ADAMTS6: variants seen among roughly 807,000 people sequenced by gnomAD.
ADAMTS6 encodes the protein ADAM metallopeptidase with thrombospondin type 1 motif 6.
ADAMTS6 carries 23 observed loss-of-function variants against 144.3 expected under a neutral mutation model. The observed-to-expected ratio is 0.16, with a 90% confidence interval of 0.11 to 0.23. The LOEUF (loss-of-function observed/expected upper bound fraction) is 0.23, where lower values mean the gene tolerates loss of function less well. Among genes scored for constraint, ADAMTS6 ranks in the 10% least tolerant of loss-of-function variants. The pLI, the probability that ADAMTS6 is intolerant of heterozygous loss-of-function variation, is 1.00. For missense variants in ADAMTS6, 999 were observed against 1,379.6 expected (o/e 0.72, Z 4.37); for synonymous variants, 444 against 457.5 (o/e 0.97, Z 0.38).
intron 3 of ADAMTS6, among the ~76,000 whole-genome samples, chr5:65,469,486 A>G (rs6875231): frequency 0.18 from 27,170 of 152,132 alleles, 4,977 homozygotes; most frequent in African/African-American, 0.48. Context: ...TAACATATGA[A>G]AAGTTTTAGA....
chr5:65,252,937 T>A (rs1379422340), intron 14 of ADAMTS6, among the ~76,000 whole-genome samples: 1 of 152,178 alleles, frequency 6.6e-6, no homozygotes, highest in African/African-American at 2.4e-5. Flanking sequence ...TCACCCAGGC[T>A]GGAGGGTAGT....
chr5:65,416,818 T>G (rs1313983938), intron 7 of ADAMTS6, among the ~76,000 whole-genome samples: 1 of 150,210 alleles, frequency 6.7e-6, no homozygotes, highest in Admixed American at 6.6e-5. Context: ...ATGTGGTATA[T>G]CCCAATTCTA....
chr5:65,332,278 A>T (rs1746805146), intron 8 of ADAMTS6, among the ~76,000 whole-genome samples: 1 of 139,862 alleles, frequency 7.1e-6, no homozygotes, highest in Non-Finnish European at 1.5e-5. Flanking sequence ...ATAGGGAGAG[A>T]CAGTGAGGGT....
chr5:65,365,081 C>A (rs887368887), intron 7 of ADAMTS6, among the ~76,000 whole-genome samples: 1 of 152,048 alleles, frequency 6.6e-6, no homozygotes, highest in Non-Finnish European at 1.5e-5. Context: ...AACTGATCAT[C>A]CACAGTAAAC....
At chr5:65,399,342 T>C (rs186288228) in intron 7 of ADAMTS6, among the ~76,000 whole-genome samples, 1 of 152,328 alleles carries the variant, frequency 6.6e-6, no homozygotes, top group African/African-American at 2.4e-5. Flanking sequence ...GTCTTCCAAT[T>C]GGTGCATTTG....
intron 7 of ADAMTS6, 193 bp downstream of exon 7, chr5:65,451,282 C>T: frequency 2.0e-6 from 1 of 508,994 alleles, no homozygotes; most frequent in Non-Finnish European, 3.3e-6. Context: ...TTAATATTTT[C>T]TTTTTTCTTA....
At chr5:65,408,271 A>C (rs1208288998) in intron 7 of ADAMTS6, among the ~76,000 whole-genome samples, 2 of 152,182 alleles carry the variant, frequency 1.3e-5, no homozygotes, top group Non-Finnish European at 2.9e-5. Flanking sequence ...GTGCAGAGAC[A>C]CACATAGGCT....
chr5:65,172,852 C>T lies in ADAMTS6; in HGVS notation c.3067G>A (p.Val1023Ile). Residue 1023 changes from valine to isoleucine, a missense_variant, in exon 23 of 25, where the codon GTC becomes ATC. Around this residue, in one of 3 missense-constraint regions of ADAMTS6, gnomAD observed 619 missense variants for 837.0 expected, o/e 0.74. Coordinates refer to ENST00000381055, the MANE Select transcript of ADAMTS6 (RefSeq NM_197941.4). ...CTTACCTGGCCCCAGTCTCCTGTGA[C>T]CCAGCGAGGAGGAGGGCAGCGGCCC... ...SLGRCPPPRW[V>I]TGDWGQCSAQ... 1 of 1,614,140 alleles carries T rather than the reference C, an allele frequency of 6.2e-7. No homozygotes were observed. Among genetic ancestry groups the T allele is most frequent in the South Asian group, 1.1e-5 (1 of 91,074 alleles).
At chr5:65,309,824 T>C (rs1744314803) in intron 9 of ADAMTS6, among the ~76,000 whole-genome samples, 1 of 152,036 alleles carries the variant, frequency 6.6e-6, no homozygotes. Context: ...AATAATGGTA[T>C]AGCTGGGCAC....
At position 65,453,451 on chromosome 5, in the gene ADAMTS6, C is replaced by CT. The variant is rs1285995169; in HGVS notation, c.632-534dup. Among the ~76,000 whole-genome samples the CT allele has an allele frequency of 2.0e-5, 3 of 152,212 alleles. No homozygotes were observed. In the East Asian group the frequency reaches 5.8e-4, roughly 29 times the overall value. On this transcript the variant is annotated intron_variant, in intron 4 of 24. Transcript: ENST00000381055. Reference sequence around the variant, plus strand: ...CTCAATTCTAAAAGGCAACGAATTACTTTTTTCACTTAGGTTGGCAGTCTA... The same window carrying CT: ...CTCAATTCTAAAAGGCAACGAATTACTTTTTTTCACTTAGGTTGGCAGTCTA...
chr5:65,259,768 T>C (rs1761013527), intron 14 of ADAMTS6, among the ~76,000 whole-genome samples: 1 of 152,200 alleles, frequency 6.6e-6, no homozygotes, highest in South Asian at 2.1e-4. Flanking sequence ...GGAGAATGTT[T>C]GTATGTTTAT....
intron 11 of ADAMTS6, among the ~76,000 whole-genome samples, chr5:65,278,340 G>C (rs1439549967): frequency 6.6e-6 from 1 of 152,128 alleles, no homozygotes; most frequent in Non-Finnish European, 1.5e-5. Flanking sequence ...CCTTTGGGTA[G>C]ATACCCAGTA....
At chr5:65,203,904 T>C (rs1014013260) in intron 20 of ADAMTS6, among the ~76,000 whole-genome samples, 4 of 152,206 alleles carry the variant, frequency 2.6e-5, no homozygotes, top group Non-Finnish European at 4.4e-5. Flanking sequence ...AGATCATTAA[T>C]ACAATAGGAA....
intron 9 of ADAMTS6, among the ~76,000 whole-genome samples, chr5:65,325,733 A>G (rs1239071066): frequency 6.6e-6 from 1 of 152,072 alleles, no homozygotes; most frequent in Non-Finnish European, 1.5e-5. Context: ...GGCTCAAGCA[A>G]TCCTCCACCT....
At chr5:65,431,594 T>C (rs773182307) in intron 7 of ADAMTS6, among the ~76,000 whole-genome samples, 1 of 152,124 alleles carries the variant, frequency 6.6e-6, no homozygotes, top group African/African-American at 2.4e-5. Context: ...AATGATTAAA[T>C]ATTCTGTGGG....
intron 1 of ADAMTS6, among the ~76,000 whole-genome samples, chr5:65,480,339 G>A (rs1580807452): frequency 8.1e-6 from 1 of 123,980 alleles, no homozygotes; most frequent in Non-Finnish European, 1.6e-5. Flanking sequence ...ATTCCACTTC[G>A]CCCAGACAGA....
chr5:65,229,261 C>G (rs1346386038), intron 15 of ADAMTS6, among the ~76,000 whole-genome samples: 8 of 152,132 alleles, frequency 5.3e-5, no homozygotes, highest in South Asian at 2.1e-4. Context: ...GTAGGGACAT[C>G]CATAGAAAAG....
chr5:65,299,025 C>A (rs759685001), intron 10 of ADAMTS6, among the ~76,000 whole-genome samples: 13 of 151,966 alleles, frequency 8.6e-5, no homozygotes, highest in Non-Finnish European at 1.5e-4. Context: ...CCATTGCTGG[C>A]CTGTGCTTTA....
At chr5:65,273,800 T>C (rs1010377271) in intron 11 of ADAMTS6, among the ~76,000 whole-genome samples, 4 of 152,122 alleles carry the variant, frequency 2.6e-5, no homozygotes, top group Admixed American at 1.3e-4. Flanking sequence ...GAATATACAA[T>C]AATACAAACT....
Sources: gnomAD v4.1 joint callset for allele counts (sites outside exome capture counted in the v4.1 genomes callset) on GRCh38, gnomAD v4.1.1 for gene constraint, gnomAD v4.1.1 regional missense constraint, MANE v1.5 for transcripts, NCBI Gene and HGNC (gene_info 2026-07-23, HGNC 2026-07-21) for gene names.